Variants in OTUD7A observed in about 807,000 individuals in gnomAD.
OTUD7A encodes the protein OTU domain-containing protein 7A.
In OTUD7A, 12 loss-of-function variants were observed where a neutral mutation model predicts 65.7. The observed-to-expected ratio is 0.18, with a 90% CI of 0.12 to 0.30. The LOEUF (loss-of-function observed/expected upper bound fraction) is 0.30. OTUD7A is among the 10% of genes least tolerant of loss of function. OTUD7A has a pLI of 1.00. For synonymous variants in OTUD7A, 641 were observed against 586.3 expected, an observed-to-expected ratio of 1.09 and a Z score of -1.35; for missense variants, 1,148 against 1,304.8, an observed-to-expected ratio of 0.88 and a Z score of 1.85.
At chr15:31,821,916 G>A (rs1049048392) in intron 1 of OTUD7A, among the ~76,000 whole-genome samples, 2 of 152,154 alleles carry the variant, frequency 1.3e-5, no homozygotes, top group African/African-American at 4.8e-5. Context: ...ATCAACTTTG[G>A]AGAAAGGTCT....
chr15:31,766,458 G>T, intron 1 of OTUD7A: 1 of 1,587,382 alleles, frequency 6.3e-7, no homozygotes, highest in South Asian at 1.1e-5. Context: ...TGGAAGTAAA[G>T]AGTCTTCTGA....
chr15:31,752,307 C>T (rs941932507), intron 1 of OTUD7A, among the ~76,000 whole-genome samples: 1 of 152,094 alleles, frequency 6.6e-6, no homozygotes, highest in African/African-American at 2.4e-5. Context: ...TTTTGGATGA[C>T]GTATATGAGG....
chr15:31,511,172 T>C (rs2041725696), intron 8 of OTUD7A, among the ~76,000 whole-genome samples: 1 of 8,752 alleles, frequency 1.1e-4, no homozygotes, highest in Non-Finnish European at 1.9e-4. Context: ...AACATACATA[T>C]GTATATCTAT....
intron 1 of OTUD7A, among the ~76,000 whole-genome samples, chr15:31,752,703 A>G (rs73378640): frequency 0.016 from 2,453 of 152,276 alleles, 74 homozygotes; most frequent in African/African-American, 0.056. Flanking sequence ...AAGTGCTGGT[A>G]AGCTATTTAG....
intron 1 of OTUD7A, among the ~76,000 whole-genome samples, chr15:31,797,819 C>T (rs1428025365): frequency 1.3e-5 from 2 of 152,202 alleles, no homozygotes; most frequent in East Asian, 1.9e-4. Context: ...TATCACAGCA[C>T]ATCAGTTATG....
chr15:31,655,961 C>A (rs951047272), intron 2 of OTUD7A, among the ~76,000 whole-genome samples: 2 of 152,136 alleles, frequency 1.3e-5, no homozygotes, highest in Non-Finnish European at 2.9e-5. Flanking sequence ...CCATCCTACC[C>A]CCTCAGCTCT....
chr15:31,635,893 GC>G (rs1205342785), intron 3 of OTUD7A, among the ~76,000 whole-genome samples: 1 of 152,200 alleles, frequency 6.6e-6, no homozygotes, highest in African/African-American at 2.4e-5. Flanking sequence ...GAGAGCCACT[GC>G]CCCCCACTTG....
chr15:31,535,881 C>T (rs1351300082), intron 5 of OTUD7A, among the ~76,000 whole-genome samples: 1 of 151,842 alleles, frequency 6.6e-6, no homozygotes, highest in African/African-American at 2.4e-5. Flanking sequence ...GGGGTTTCAC[C>T]GTGTTAGCCA....
chr15:31,827,384 C>T (rs1253489073), intron 1 of OTUD7A, among the ~76,000 whole-genome samples: 1 of 152,164 alleles, frequency 6.6e-6, no homozygotes, highest in Non-Finnish European at 1.5e-5. Flanking sequence ...GTATTCACTA[C>T]CATGTGAACA....
intron 3 of OTUD7A, among the ~76,000 whole-genome samples, chr15:31,635,997 G>A (rs1235637599): frequency 1.3e-5 from 2 of 152,242 alleles, no homozygotes; most frequent in Non-Finnish European, 2.9e-5. Flanking sequence ...GCCAGGTGCT[G>A]TCTGCATCAG....
At chr15:31,775,725 C>T (rs568886695) in intron 1 of OTUD7A, among the ~76,000 whole-genome samples, 8 of 152,182 alleles carry the variant, frequency 5.3e-5, no homozygotes, top group African/African-American at 1.7e-4. Context: ...TGCTCCTAGA[C>T]GCCTGAAGGA....
intron 5 of OTUD7A, among the ~76,000 whole-genome samples, chr15:31,540,086 T>C (rs767606095): frequency 6.6e-6 from 1 of 152,244 alleles, no homozygotes; most frequent in Non-Finnish European, 1.5e-5. Flanking sequence ...TTTTCCGCTG[T>C]TTCAATAGAT....
chr15:31,541,528 C>T (rs1161487402), intron 5 of OTUD7A, among the ~76,000 whole-genome samples: 1 of 152,064 alleles, frequency 6.6e-6, no homozygotes, highest in African/African-American at 2.4e-5. Context: ...AATCCCTCTC[C>T]CTAAGATGAG....
chr15:31,617,392 C>T (rs1337380744), intron 3 of OTUD7A, among the ~76,000 whole-genome samples: 1 of 151,850 alleles, frequency 6.6e-6, no homozygotes, highest in African/African-American at 2.4e-5. Context: ...GAGGCTGAGG[C>T]AGAAGAATTG....
At chr15:31,489,783 A>ATTATGGGGT (rs1479627942) in intron 10 of OTUD7A, among the ~76,000 whole-genome samples, 1 of 152,168 alleles carries the variant, frequency 6.6e-6, no homozygotes, top group Non-Finnish European at 1.5e-5. Flanking sequence ...TCACTTCCCT[A>ATTATGGGGT]TCATGGGGTT....
Position 31,646,406 on chromosome 15 carries a change from T to TTC in OTUD7A, c.151+8688_151+8689dup, listed in dbSNP as rs754891007. ...AGAGGAAGTGTCTTTCTTTCTCTCT[T>TTC]TCTCTCTCTCTCTTCCTTTCCTTTC... is the stretch of plus-strand genomic sequence containing the variant. On this transcript the variant is annotated intron_variant, in intron 3 of 12. Coordinates refer to ENST00000307050, the MANE Select transcript of OTUD7A (RefSeq NM_001382637.1). 2.6e-5 allele frequency among the ~76,000 whole-genome samples: 4 copies of TTC among 151,728 alleles called. No individual in the cohort carries two copies. The South Asian group carries it at 8.3e-4, about 32-fold the overall frequency.
At position 31,667,103 on chromosome 15, in the gene OTUD7A, G is replaced by A. The variant is rs1005476342; in HGVS notation, c.-99-10026C>T. ...TGCTGTTGAATAGAATGTGCATTCC[G>A]TGGTTGTCGGATGAAATGTTCTGTA... On this transcript the variant is annotated intron_variant, in intron 1 of 12. Coordinates refer to ENST00000307050, the MANE Select transcript of OTUD7A (RefSeq NM_001382637.1). 2.6e-4 allele frequency among the ~76,000 whole-genome samples: 39 copies of A among 152,164 alleles called. 1 individual carries two copies. The highest frequency in any genetic ancestry group is 2.2e-3 in the Admixed American group (33 of 15,274).
At chr15:31,717,565 T>C (rs189829962) in intron 1 of OTUD7A, among the ~76,000 whole-genome samples, 142 of 152,342 alleles carry the variant, frequency 9.3e-4, no homozygotes, top group Non-Finnish European at 1.5e-3. Flanking sequence ...ACAAAGGACA[T>C]GAACTCATCC....
chr15:31,763,229 G>A (rs1021643123), intron 1 of OTUD7A, among the ~76,000 whole-genome samples: 2 of 152,168 alleles, frequency 1.3e-5, no homozygotes, highest in African/African-American at 4.8e-5. Flanking sequence ...GTTTCAGTGA[G>A]CAGAGATCGT....
Sources: allele counts gnomAD v4.1 joint callset (sites outside exome capture counted in the v4.1 genomes callset), GRCh38; gene constraint gnomAD v4.1.1; transcripts MANE v1.5; gene names NCBI Gene and HGNC (gene_info 2026-07-23, HGNC 2026-07-21).